The following SBK1 variants were observed in gnomAD, a reference collection of about 807,000 sequenced individuals.
SBK1 encodes the protein SH3 domain binding kinase 1.
A neutral mutation model predicts 24.4 loss-of-function variants in SBK1; 11 were observed. That is an observed-to-expected ratio of 0.45 (90% CI 0.28 to 0.75). SBK1 has a LOEUF of 0.75. SBK1 is among the 30% of genes least tolerant of loss of function. The probability of loss-of-function intolerance (pLI) is 0.12; values close to 1 mark genes in which losing one functional copy is unlikely to be tolerated. For synonymous variants in SBK1, 308 were observed against 284.4 expected, an observed-to-expected ratio of 1.08 and a Z score of -0.83; for missense variants, 467 against 620.5, an observed-to-expected ratio of 0.75 and a Z score of 2.63.
At chr16:28,269,558 C>T (rs1281385757) in intron 1 of SBK1, among the ~76,000 whole-genome samples, 1 of 151,868 alleles carries the variant, frequency 6.6e-6, no homozygotes, top group Non-Finnish European at 1.5e-5. Flanking sequence ...AAAGAGCCCA[C>T]GGAGTGACCA....
intron 1 of SBK1, among the ~76,000 whole-genome samples, chr16:28,314,636 A>G (rs955764409): frequency 2.0e-5 from 3 of 152,144 alleles, no homozygotes; most frequent in Admixed American, 2.0e-4. Context: ...TTCAGGGTGC[A>G]GGGGTGCTTA....
At chr16:28,303,765 T>C (rs963796192) in intron 1 of SBK1, among the ~76,000 whole-genome samples, 6 of 152,018 alleles carry the variant, frequency 3.9e-5, no homozygotes, top group African/African-American at 1.4e-4. Flanking sequence ...AGATCCTCCC[T>C]TGTTGGCCTC....
rs1806421020 is a variant in SBK1, at chr16:28,293,124, C to G, written c.-184C>G. 3 of 985,614 alleles carry G rather than the reference C, an allele frequency of 3.0e-6. No individual in the cohort carries two copies. Among genetic ancestry groups the G allele is most frequent in the Admixed American group, 1.2e-4 (2 of 16,274 alleles). 61.1% of individuals were successfully genotyped at this position (985,614 alleles called of 1,614,324 possible). ...GGACAGCAAGAGACACTCTCACCAG[C>G]AAGAAGCCTCGGGGATCCCCCCCCT... On this transcript the variant is annotated 5_prime_UTR_variant, in exon 1 of 4. Coordinates refer to ENST00000341901, the MANE Select transcript of SBK1 (RefSeq NM_001024401.3).
At chr16:28,261,472 CA>C (rs2044397253) in intron 1 of SBK1, among the ~76,000 whole-genome samples, 1 of 134,192 alleles carries the variant, frequency 7.5e-6, no homozygotes, top group East Asian at 2.3e-4. Flanking sequence ...CACACACACA[CA>C]CACACAATTA....
At chr16:28,302,965 G>GGT (rs1428002983) in intron 1 of SBK1, among the ~76,000 whole-genome samples, 1 of 151,858 alleles carries the variant, frequency 6.6e-6, no homozygotes, top group Admixed American at 6.6e-5. Context: ...AGGGCATGGG[G>GGT]GGGGGTCAGG....
chr16:28,293,778 TTGTC>T (rs1233856711), intron 1 of SBK1, among the ~76,000 whole-genome samples: 1 of 151,948 alleles, frequency 6.6e-6, no homozygotes, highest in South Asian at 2.1e-4. Context: ...GTGTGTGTCT[TTGTC>T]TGTGAGAGTG....
upstream of SBK1, chr16:28,292,388 C>A: frequency 3.7e-6 from 1 of 268,540 alleles, no homozygotes. Context: ...GGAGGGCGGG[C>A]GCGCGGCGGG....
chr16:28,268,630 G>C (rs1567669498), intron 1 of SBK1, among the ~76,000 whole-genome samples: 1 of 151,984 alleles, frequency 6.6e-6, no homozygotes, highest in Non-Finnish European at 1.5e-5. Flanking sequence ...AGGCATGGTG[G>C]CACGTGCCTG....
chr16:28,315,772 A>G (rs1178571229), intron 1 of SBK1, among the ~76,000 whole-genome samples: 1 of 151,682 alleles, frequency 6.6e-6, no homozygotes, highest in African/African-American at 2.4e-5. Flanking sequence ...ATACAAATAC[A>G]GTTTTTTTTT....
At chr16:28,297,521 AG>A (rs2044649210) in intron 1 of SBK1, among the ~76,000 whole-genome samples, 1 of 152,134 alleles carries the variant, frequency 6.6e-6, no homozygotes, top group African/African-American at 2.4e-5. Context: ...ACCATGGAGG[AG>A]AGCTCAGGCT....
chr16:28,303,507 C>CTTTTTTTTTTTTTTTTT (rs143613970), intron 1 of SBK1, among the ~76,000 whole-genome samples: 2 of 58,076 alleles, frequency 3.4e-5, no homozygotes, highest in Non-Finnish European at 6.0e-5. Context: ...CTTTTCTTTT[C>CTTTTTTTTTTTTTTTTT]TTTTTTTTTT....
At chr16:28,263,544 T>G (rs1347577788) in intron 1 of SBK1, among the ~76,000 whole-genome samples, 1 of 151,840 alleles carries the variant, frequency 6.6e-6, no homozygotes, top group Non-Finnish European at 1.5e-5. Flanking sequence ...GCAGAGCAAA[T>G]GATGGGGACA....
chr16:28,280,805 T>C (rs1003116219), intron 1 of SBK1, among the ~76,000 whole-genome samples: 2 of 152,050 alleles, frequency 1.3e-5, no homozygotes, highest in Non-Finnish European at 2.9e-5. Flanking sequence ...ACTGGGATTA[T>C]AGGCGCATGC....
intron 1 of SBK1, among the ~76,000 whole-genome samples, chr16:28,266,613 C>T (rs2044429884): frequency 6.6e-6 from 1 of 151,970 alleles, no homozygotes. Context: ...CAGGCAAGAA[C>T]CCATTTCTTT....
Position 28,263,118 on chromosome 16 carries a change from A to G in SBK1, c.257+3616A>G, listed in dbSNP as rs570610424. Among the ~76,000 whole-genome samples, 5 of 152,326 alleles carry G rather than the reference A, an allele frequency of 3.3e-5. No homozygotes were observed. In the South Asian group the frequency reaches 1.0e-3, roughly 32 times the overall value. ...ACAGCTCATTGCAAGAAAAGCTGGG[A>G]AATATAGTCCCGTCTACATGAAAGC... On this transcript the variant is annotated intron_variant, in intron 1 of 3. Transcript: ENST00000671413.
intron 1 of SBK1, among the ~76,000 whole-genome samples, chr16:28,296,562 T>C (rs1383844535): frequency 6.6e-6 from 1 of 152,062 alleles, no homozygotes; most frequent in Non-Finnish European, 1.5e-5. Flanking sequence ...GCAACCTTCG[T>C]CTGTGTGTGT....
At chr16:28,296,339 C>T (rs2044640587) in intron 1 of SBK1, among the ~76,000 whole-genome samples, 1 of 151,964 alleles carries the variant, frequency 6.6e-6, no homozygotes, top group African/African-American at 2.4e-5. Context: ...GTGATCCACC[C>T]TCCTCGGCCT....
At chr16:28,318,658 G>A (rs2044815762) in intron 2 of SBK1, among the ~76,000 whole-genome samples, 1 of 152,216 alleles carries the variant, frequency 6.6e-6, no homozygotes, top group African/African-American at 2.4e-5. Flanking sequence ...AGCAAGACAG[G>A]AAGCTTAGGG....
chr16:28,315,722 C>A (rs1402573842), intron 1 of SBK1, among the ~76,000 whole-genome samples: 4 of 152,232 alleles, frequency 2.6e-5, no homozygotes, highest in Non-Finnish European at 5.9e-5. Context: ...GATCATCCTA[C>A]TGCCCTTCAG....
Sources: gnomAD v4.1 joint callset for allele counts (sites outside exome capture counted in the v4.1 genomes callset) on GRCh38, gnomAD v4.1.1 for gene constraint, MANE v1.5 for transcripts, NCBI Gene and HGNC (gene_info 2026-07-23, HGNC 2026-07-21) for gene names.